The following SLC9A3 variants were observed in gnomAD, a reference collection of about 807,000 sequenced individuals.
SLC9A3 encodes the protein solute carrier family 9 member A3.
In SLC9A3, 37 loss-of-function variants were observed where a neutral mutation model predicts 86.8. The observed-to-expected ratio is 0.43, with a 90% confidence interval of 0.33 to 0.56. The LOEUF (loss-of-function observed/expected upper bound fraction) is 0.56, where lower values mean the gene tolerates loss of function less well. Ranked by LOEUF, SLC9A3 falls within the 20% of genes least tolerant of loss-of-function variation. SLC9A3 has a pLI of 0.06. For missense variants in SLC9A3, 1,011 were observed against 1,171.9 expected (o/e 0.86, Z 2.00); for synonymous variants, 581 against 528.3 (o/e 1.10, Z -1.37).
At chr5:509,750 G>A (rs56834101) in intron 1 of SLC9A3, among the ~76,000 whole-genome samples, 351 of 152,310 alleles carry the variant, frequency 2.3e-3, no homozygotes, top group African/African-American at 8.3e-3. Flanking sequence ...AATGGGGTGC[G>A]GGGAGGGGGA....
Position 483,530 on chromosome 5 carries a change from C to T in SLC9A3, c.933-48G>A, listed in dbSNP as rs377678692. On this transcript the variant is annotated intron_variant, in intron 5 of 16. Transcript: ENST00000264938. ...GGACACGGCCACCTGGCCTGGCGCC[C>T]GAGGCCCCCGTGTCCGCCCAGCCCC... is the stretch of plus-strand genomic sequence containing the variant. 3.1e-4 allele frequency: 426 copies of T among 1,370,122 alleles called. 5 individuals carry two copies. The South Asian group carries it at 4.1e-3, about 13-fold the overall frequency. 84.9% of individuals were successfully genotyped at this position (1,370,122 alleles called of 1,614,324 possible).
At chr5:482,897 T>C in intron 6 of SLC9A3, 147 bp from the exon 7 acceptor site, 2 of 656,392 alleles carry the variant, frequency 3.0e-6, no homozygotes, top group Non-Finnish European at 5.2e-6. Context: ...GCCACGTCCC[T>C]CGTCACCATC....
intron 1 of SLC9A3, among the ~76,000 whole-genome samples, chr5:512,709 C>A (rs528900354): frequency 1.3e-5 from 2 of 152,200 alleles, no homozygotes; most frequent in East Asian, 3.9e-4. Context: ...GTCCCCGAAG[C>A]TGTTGGGGGG....
chr5:491,625 A>G lies in SLC9A3; in HGVS notation c.514+144T>C, dbSNP rs1739744551. 2.9e-6 allele frequency: 2 copies of G among 696,676 alleles called. No individual in the cohort carries two copies. The highest frequency in any genetic ancestry group is 4.6e-6 in the Non-Finnish European group (2 of 435,182). 43.2% of individuals were successfully genotyped at this position (696,676 alleles called of 1,614,324 possible). ...GGACTGGCCTTGGTCACGAGGGCCT[A>G]CGGGGCTGCCAGCCACGTTTCTCAC... On this transcript the variant is annotated intron_variant, in intron 2 of 16. Coordinates refer to ENST00000264938, the MANE Select transcript of SLC9A3 (RefSeq NM_004174.4). The surrounding 1 kb of genome is among the most constrained non-coding windows in gnomAD (Gnocchi z 9.2).
intron 1 of SLC9A3, 150 bp downstream of exon 1, chr5:523,962 G>C (rs1182954051): frequency 9.0e-6 from 4 of 444,226 alleles, no homozygotes; most frequent in Non-Finnish European, 1.5e-5. Context: ...TCGCTCCCGA[G>C]TCTCGCTCTG....
At position 491,688 on chromosome 5, in the gene SLC9A3, C is replaced by G. The variant is rs913105620; in HGVS notation, c.514+81G>C. On this transcript the variant is annotated intron_variant, in intron 2 of 16. Coordinates refer to ENST00000264938, the MANE Select transcript of SLC9A3 (RefSeq NM_004174.4). The surrounding 1 kb of genome is among the most constrained non-coding windows in gnomAD (Gnocchi z 9.2). The stretch of plus-strand genomic sequence containing the variant: ...GCCTGGAGGCCAGGGTGCGGCACCC[C>G]GACCTTTCTGAGATGAGGCAGCGCC... 1.5e-6 allele frequency: 2 copies of G among 1,323,074 alleles called. No homozygotes were observed. The highest frequency in any genetic ancestry group is 5.3e-5 in the Admixed American group (2 of 37,626). The allele number at this position is 1,323,074 out of a possible 1,614,324, so 82.0% of individuals were successfully genotyped here.
intron 1 of SLC9A3, 114 bp downstream of exon 1, chr5:523,998 G>A: frequency 3.5e-6 from 2 of 578,746 alleles, no homozygotes; most frequent in South Asian, 4.4e-5. Context: ...GGACTCTCCC[G>A]GGCGGCCGCC....
At chr5:515,689 C>T (rs930882740) in intron 1 of SLC9A3, among the ~76,000 whole-genome samples, 4 of 151,132 alleles carry the variant, frequency 2.6e-5, no homozygotes, top group Middle Eastern at 3.4e-3. Flanking sequence ...CACACATTAC[C>T]GCCTGCCACT....
intron 1 of SLC9A3, among the ~76,000 whole-genome samples, chr5:516,781 A>G (rs1733743774): frequency 6.6e-6 from 1 of 152,198 alleles, no homozygotes; most frequent in Admixed American, 6.5e-5. Flanking sequence ...TTGCTTGTCA[A>G]TGATCCCACT....
rs1738615897 is a variant in SLC9A3, at chr5:474,915, C to T, written c.2469G>A (p.Arg823=). 1.3e-6 allele frequency: 2 copies of T among 1,593,626 alleles called. No homozygotes were observed. The highest frequency in any genetic ancestry group is 2.7e-5 in the African/African-American group (2 of 74,292). The change falls in exon 16 of 17, where the codon CGG becomes CGA. Residue 823 remains arginine, a synonymous_variant. Transcript: ENST00000264938. ...SFLQADGPEE[R]PPAALPESTH... ...TGGACTCGGGGAGGGCGGCGGGGGG[C>T]CGCTCCTCGGGGCCGTCTGCCTGCA...
intron 3 of SLC9A3, among the ~76,000 whole-genome samples, chr5:486,247 C>T (rs1055405546): frequency 2.1e-5 from 3 of 140,584 alleles, no homozygotes; most frequent in Non-Finnish European, 4.7e-5. Context: ...AGGGGCAGCA[C>T]GGGGCGGGGG....
intron 3 of SLC9A3, among the ~76,000 whole-genome samples, chr5:487,958 G>A (rs1297291122): frequency 6.6e-6 from 1 of 152,316 alleles, no homozygotes; most frequent in Admixed American, 6.5e-5. Context: ...GTGAGCCACC[G>A]CACCCGGCCA....
At chr5:482,040 C>CG (rs753174589) in intron 8 of SLC9A3, 28 bp downstream of exon 8, 17 of 503,714 alleles carry the variant, frequency 3.4e-5, no homozygotes, top group African/African-American at 5.7e-5. Flanking sequence ...CGCAGTGCCC[C>CG]CCCCCCGCCC....
At chr5:506,159 G>T (rs1166176122) in intron 1 of SLC9A3, among the ~76,000 whole-genome samples, 1 of 152,150 alleles carries the variant, frequency 6.6e-6, no homozygotes, top group African/African-American at 2.4e-5. Flanking sequence ...CCACTATCAA[G>T]GAGCTCTGGG....
At chr5:507,571 G>T (rs1740657305) in intron 1 of SLC9A3, among the ~76,000 whole-genome samples, 1 of 151,524 alleles carries the variant, frequency 6.6e-6, no homozygotes, top group Admixed American at 6.6e-5. Context: ...ATTCTGGGGG[G>T]ATCCAAAGAC....
chr5:524,380 T>C lies in SLC9A3; in HGVS notation c.-58A>G. 1.3e-6 allele frequency: 1 copy of C among 764,712 alleles called. No individual in the cohort carries two copies. Among genetic ancestry groups the C allele is most frequent in the Non-Finnish European group, 1.7e-6 (1 of 587,464 alleles). The allele number at this position is 764,712 out of a possible 1,614,324, so 47.4% of individuals were successfully genotyped here. The stretch of plus-strand genomic sequence containing the variant: ...ATGTCGCGGGGGGTCCCGGCTGGGC[T>C]GGGCCGACGCGCGGGGCTGGGACCC... On this transcript the variant is annotated 5_prime_UTR_variant, in exon 1 of 17. Coordinates refer to ENST00000264938, the MANE Select transcript of SLC9A3 (RefSeq NM_004174.4).
At position 492,061 on chromosome 5, in the gene SLC9A3, C is replaced by T. The variant is rs368040524; in HGVS notation, c.222G>A (p.Leu74=). Residue 74 remains leucine, a synonymous_variant, in exon 2 of 17, where the codon CTG becomes CTA. Transcript: ENST00000264938. ...VASLAKIGFH[L]SHKVTSVVPE... ...GAACCACGCTGGTGACCTTGTGGGA[C>T]AGGTGGAACCCTGTGGGGGAAGGGA... The T allele has an allele frequency of 2.9e-5, 43 of 1,496,818 alleles. No individual in the cohort carries two copies. In the African/African-American group the frequency reaches 6.1e-4, roughly 21 times the overall value. The allele number at this position is 1,496,818 out of a possible 1,614,324, so 92.7% of individuals were successfully genotyped here.
intron 2 of SLC9A3, among the ~76,000 whole-genome samples, chr5:490,796 C>T (rs924754827): frequency 6.6e-6 from 1 of 152,356 alleles, no homozygotes; most frequent in African/African-American, 2.4e-5. Context: ...CGTGACGGGC[C>T]TGCCATCCAT....
intron 6 of SLC9A3, 139 bp downstream of exon 6, chr5:483,123 C>T (rs1472917298): frequency 4.4e-6 from 3 of 685,626 alleles, no homozygotes; most frequent in African/African-American, 3.6e-5. Flanking sequence ...AGCCCCGAGG[C>T]CGCCACCATC....
Sources: allele counts gnomAD v4.1 joint callset (sites outside exome capture counted in the v4.1 genomes callset), GRCh38; gene constraint gnomAD v4.1.1; non-coding constraint Gnocchi (gnomAD v3.1); transcripts MANE v1.5; gene names NCBI Gene and HGNC (gene_info 2026-07-23, HGNC 2026-07-21).